DLG2: variants seen among roughly 807,000 people sequenced by gnomAD.
DLG2 encodes the protein discs large MAGUK scaffold protein 2, also known as disks large homolog 2.
A neutral mutation model predicts 132.5 loss-of-function variants in DLG2; 45 were observed. The ratio of observed to expected loss-of-function variants is 0.34; its 90% CI spans 0.27 to 0.44. The LOEUF is 0.44. Ranked by LOEUF, DLG2 falls within the 20% of genes least tolerant of loss-of-function variation. The pLI is 1.00. For missense variants in DLG2, 1,045 were observed against 1,196.9 expected, an observed-to-expected ratio of 0.87 and a Z score of 1.87; for synonymous variants, 424 against 419.6, an observed-to-expected ratio of 1.01 and a Z score of -0.13.
intron 6 of DLG2, among the ~76,000 whole-genome samples, chr11:84,841,014 A>G (rs1469361553): frequency 6.6e-6 from 1 of 151,710 alleles, no homozygotes; most frequent in Non-Finnish European, 1.5e-5. Context: ...ATAGTAAAAA[A>G]AAAAATGGAA....
intron 19 of DLG2, among the ~76,000 whole-genome samples, chr11:83,609,191 G>A (rs1460743589): frequency 6.6e-6 from 1 of 152,154 alleles, no homozygotes; most frequent in East Asian, 1.9e-4. Context: ...GGGCACAAAT[G>A]GCCTACAAAT....
chr11:84,907,316 AAT>A (rs2091622457), intron 6 of DLG2, among the ~76,000 whole-genome samples: 1 of 152,208 alleles, frequency 6.6e-6, no homozygotes, highest in African/African-American at 2.4e-5. Flanking sequence ...ATTGAGAAAA[AAT>A]ATATATGTAA....
At chr11:84,316,218 C>T (rs1316995799) in intron 7 of DLG2, among the ~76,000 whole-genome samples, 1 of 152,146 alleles carries the variant, frequency 6.6e-6, no homozygotes, top group African/African-American at 2.4e-5. Flanking sequence ...TATTGCTTCT[C>T]CATGAATAAA....
At chr11:84,433,675 C>A (rs1042666956) in intron 7 of DLG2, among the ~76,000 whole-genome samples, 11 of 152,104 alleles carry the variant, frequency 7.2e-5, no homozygotes, top group Non-Finnish European at 1.3e-4. Context: ...ACATCTTTGA[C>A]TTTTTTCAAA....
chr11:84,486,621 A>G (rs2099151579), intron 7 of DLG2, among the ~76,000 whole-genome samples: 4 of 152,138 alleles, frequency 2.6e-5, no homozygotes, highest in Admixed American at 2.6e-4. Flanking sequence ...ACTCTCAGAA[A>G]CAGAAAAGAA....
intron 14 of DLG2, among the ~76,000 whole-genome samples, chr11:83,944,253 A>G (rs768346007): frequency 6.6e-6 from 1 of 152,242 alleles, no homozygotes; most frequent in Non-Finnish European, 1.5e-5. Flanking sequence ...GCTCTTTTAA[A>G]GTCTCAGAAA....
intron 3 of DLG2, among the ~76,000 whole-genome samples, chr11:85,512,089 C>A (rs1009334443): frequency 4.6e-5 from 7 of 152,058 alleles, no homozygotes; most frequent in Admixed American, 3.9e-4. Flanking sequence ...GTGTGGATTA[C>A]ATTGAGGGAG....
chr11:83,930,336 CTCAGAG>C lies in DLG2; in HGVS notation c.1482_1487del (p.Asp494_Ser495del), dbSNP rs1057211252. The C allele has an allele frequency of 1.1e-5, 18 of 1,613,694 alleles. No homozygotes were observed. The highest frequency in any genetic ancestry group is 1.4e-5 in the Non-Finnish European group (16 of 1,179,852). ...GGAAGCGCATGCAGTACCTGGTCAT[CTCAGAG>C]TCAGGTAGCAGGCCTAGGTGGTAGT... On this transcript the variant is annotated inframe_deletion, in exon 15 of 28. Transcript: ENST00000376104.
chr11:83,606,196 A>C (rs1188220756), intron 19 of DLG2, among the ~76,000 whole-genome samples: 1 of 152,234 alleles, frequency 6.6e-6, no homozygotes, highest in Non-Finnish European at 1.5e-5. Context: ...CAGAGGTTAA[A>C]AGGTAGTCAG....
intron 17 of DLG2, among the ~76,000 whole-genome samples, chr11:83,809,787 A>G (rs1415722308): frequency 2.0e-5 from 3 of 152,138 alleles, no homozygotes; most frequent in African/African-American, 7.2e-5. Flanking sequence ...TGGCCCTAAG[A>G]TACAAAATAC....
intron 4 of DLG2, among the ~76,000 whole-genome samples, chr11:85,271,789 A>G (rs1349311017): frequency 6.6e-6 from 1 of 151,920 alleles, no homozygotes; most frequent in Non-Finnish European, 1.5e-5. Flanking sequence ...ACAAGTATTT[A>G]CCCAATGCCT....
At chr11:83,944,712 C>T (rs983628391) in intron 14 of DLG2, among the ~76,000 whole-genome samples, 7 of 152,138 alleles carry the variant, frequency 4.6e-5, no homozygotes, top group Non-Finnish European at 8.8e-5. Context: ...CCAATCACAG[C>T]TTAGATAGAC....
chr11:85,126,833 C>T (rs1157201804), intron 5 of DLG2, among the ~76,000 whole-genome samples: 1 of 152,218 alleles, frequency 6.6e-6, no homozygotes, highest in African/African-American at 2.4e-5. Context: ...TAGTTCTTAT[C>T]TCACCGAATT....
At chr11:83,571,978 T>C (rs1001823371) in intron 19 of DLG2, among the ~76,000 whole-genome samples, 4 of 152,102 alleles carry the variant, frequency 2.6e-5, no homozygotes, top group African/African-American at 2.4e-5. Context: ...CAGAACTCTC[T>C]GTATGGTGTG....
chr11:84,388,617 CAT>C (rs1164555225), intron 7 of DLG2, among the ~76,000 whole-genome samples: 1 of 151,564 alleles, frequency 6.6e-6, no homozygotes, highest in Non-Finnish European at 1.5e-5. Context: ...CTAGAAATGT[CAT>C]GTTTTAGAGA....
intron 6 of DLG2, among the ~76,000 whole-genome samples, chr11:84,782,722 G>A (rs767848113): frequency 3.9e-5 from 6 of 152,084 alleles, no homozygotes; most frequent in Non-Finnish European, 7.4e-5. Context: ...GGATAGGGAT[G>A]GCTCTATCAT....
chr11:83,954,386 G>C (rs1262887766), intron 14 of DLG2, among the ~76,000 whole-genome samples: 1 of 152,000 alleles, frequency 6.6e-6, no homozygotes, highest in African/African-American at 2.4e-5. Flanking sequence ...TCTCTTTATT[G>C]TTTATTTACA....
chr11:85,074,657 C>T (rs191899558), intron 6 of DLG2, among the ~76,000 whole-genome samples: 2 of 151,772 alleles, frequency 1.3e-5, no homozygotes, highest in Non-Finnish European at 2.9e-5. Flanking sequence ...GAATCAAAAA[C>T]ATCAATAGGT....
intron 4 of DLG2, among the ~76,000 whole-genome samples, chr11:85,277,926 G>A (rs1595894680): frequency 2.0e-5 from 3 of 152,210 alleles, no homozygotes; most frequent in Admixed American, 2.0e-4. Context: ...AGTTTAATCT[G>A]CCCCAGCATA....
Sources: gnomAD v4.1 joint callset for allele counts (sites outside exome capture counted in the v4.1 genomes callset) on GRCh38, gnomAD v4.1.1 for gene constraint, MANE v1.5 for transcripts, NCBI Gene and HGNC (gene_info 2026-07-23, HGNC 2026-07-21) for gene names.